The following RGS14 variants were observed in gnomAD, a reference collection of about 807,000 sequenced individuals.
The protein encoded by RGS14 is regulator of G-protein signaling 14.
RGS14 carries 33 observed loss-of-function variants against 63.8 expected under a neutral mutation model. That is an observed-to-expected ratio of 0.52 (90% CI 0.39 to 0.69). The LOEUF is 0.69. Ranked by LOEUF, RGS14 falls within the 30% of genes least tolerant of loss-of-function variation. RGS14 has a pLI of 0.00. For synonymous variants in RGS14, 296 were observed against 320.9 expected, an observed-to-expected ratio of 0.92 and a Z score of 0.83; for missense variants, 739 against 742.9, an observed-to-expected ratio of 0.99 and a Z score of 0.06.
Position 177,370,658 on chromosome 5 carries a change from CCTT to C in RGS14, c.1123_1125del (p.Phe375del). ...GAAGTGCGGCTGGAAAACAGGATCA[CCTT>C]CGAGTGAGTGTCCTGCCCCCAAGTC... On this transcript the variant is annotated inframe_deletion, in exon 10 of 15. Transcript: ENST00000408923. 6.2e-7 allele frequency: 1 copy of C among 1,614,010 alleles called. No homozygotes were observed. The highest frequency in any genetic ancestry group is 8.5e-7 in the Non-Finnish European group (1 of 1,179,938).
chr5:177,360,632 A>T, intron 1 of RGS14, among the ~76,000 whole-genome samples: 1 of 145,506 alleles, frequency 6.9e-6, no homozygotes, highest in Non-Finnish European at 1.5e-5. Flanking sequence ...GGGAGAGAGG[A>T]GGCAGGCACA....
rs1476463388 is a variant in RGS14 at position 177,370,893 on chromosome 5, G to A, written c.1128-12G>A. ...GCCCTCCGGCCCTCTGCTGCCCGAGGGTTCCTCGCAGGCTGGAGCTGACGG... is the reference window on the plus strand; with the variant it reads ...GCCCTCCGGCCCTCTGCTGCCCGAGAGTTCCTCGCAGGCTGGAGCTGACGG... On this transcript the variant is annotated splice_polypyrimidine_tract_variant and intron_variant, in intron 10 of 14. Coordinates refer to ENST00000408923, the MANE Select transcript of RGS14 (RefSeq NM_006480.5). 1.2e-6 allele frequency: 2 copies of A among 1,600,436 alleles called. No individual in the cohort carries two copies. Among genetic ancestry groups the A allele is most frequent in the African/African-American group, 1.3e-5 (1 of 74,964 alleles).
In RGS14 at chr5:177,371,888, T is replaced by G. The variant is rs1294523791; in HGVS notation, c.1514T>G (p.Leu505Arg). The G allele has an allele frequency of 6.2e-7, 1 of 1,613,038 alleles. No individual in the cohort carries two copies. Among genetic ancestry groups the G allele is most frequent in the East Asian group, 2.2e-5 (1 of 44,880 alleles). The change falls in exon 15 of 15, where the codon CTG (leucine) becomes CGG (arginine). Residue 505 changes from leucine (L) to arginine (R), a missense_variant. Transcript: ENST00000408923. This position sits in a 1 kb window ranked among gnomAD's most constrained non-coding sequence, Gnocchi z 6.1. ...TTGCCTCCAGGCCTGGTGGAGCTGC[T>G]GAACCGGGTGCAGAGCAGCGGGGCC... is the stretch of plus-strand genomic sequence containing the variant. ...TCDIEGLVEL[L>R]NRVQSSGAHD...
chr5:177,359,928 C>A lies in RGS14; in HGVS notation c.45+1859C>A, dbSNP rs946836716. 2.0e-5 allele frequency among the ~76,000 whole-genome samples: 3 copies of A among 152,156 alleles called. No homozygotes were observed. Among genetic ancestry groups the A allele is most frequent in the African/African-American group, 7.2e-5 (3 of 41,424 alleles). On this transcript the variant is annotated intron_variant, in intron 1 of 14. Coordinates refer to ENST00000408923, the MANE Select transcript of RGS14 (RefSeq NM_006480.5). This position sits in a 1 kb window ranked among gnomAD's most constrained non-coding sequence, Gnocchi z 4.4. ...TGCCGAGGTCAGCCAGAGAGTAGAG[C>A]GTCAGCATCTGAACCCCCAGAACTG...
In RGS14 at chr5:177,372,117, G is replaced by A. The variant is rs1367615634; in HGVS notation, c.*42G>A. 3 of 1,572,390 alleles carry A rather than the reference G, an allele frequency of 1.9e-6. No homozygotes were observed. The highest frequency in any genetic ancestry group is 2.6e-6 in the Non-Finnish European group (3 of 1,147,782). ...CAGGACAGCTGCATGGCACCCGGCG[G>A]GCCGAGCATGCCATGGGTCCGCTCT... On this transcript the variant is annotated 3_prime_UTR_variant, in exon 15 of 15. Coordinates refer to ENST00000408923, the MANE Select transcript of RGS14 (RefSeq NM_006480.5).
rs1762092189 is a variant in RGS14, at chr5:177,366,332, C to T, written c.223C>T (p.Pro75Ser). The change falls in exon 3 of 15, where the codon CCG becomes TCG. Residue 75 changes from proline (P) to serine (S), a missense_variant. Transcript: ENST00000408923. ...ALSFERLLQD[P>S]LGLAYFTEFL... is the part of the protein sequence containing the mutation. Reference sequence around the variant, plus strand: ...GTCCTTCGAGCGGCTGTTGCAGGACCCGCTGGGCCTGGCTTACTTCACTGT... The same window carrying T: ...GTCCTTCGAGCGGCTGTTGCAGGACTCGCTGGGCCTGGCTTACTTCACTGT... The T allele has an allele frequency of 6.5e-7, 1 of 1,550,040 alleles. No individual in the cohort carries two copies. Among genetic ancestry groups the T allele is most frequent in the East Asian group, 2.4e-5 (1 of 41,112 alleles).
rs1761899822 is a variant in RGS14, at chr5:177,359,245, G to T, written c.45+1176G>T. Among the ~76,000 whole-genome samples the T allele has an allele frequency of 1.3e-5, 2 of 151,904 alleles. No homozygotes were observed. The highest frequency in any genetic ancestry group is 4.8e-5 in the African/African-American group (2 of 41,346). ...CTCTTTCCTGCCCAGCCCCGGGCTGGCCGGCTGGGAGAGAGGCCACCCTTC... is the reference window on the plus strand; with the variant it reads ...CTCTTTCCTGCCCAGCCCCGGGCTGTCCGGCTGGGAGAGAGGCCACCCTTC... On this transcript the variant is annotated intron_variant, in intron 1 of 14. Transcript: ENST00000408923. This position sits in a 1 kb window ranked among gnomAD's most constrained non-coding sequence, Gnocchi z 4.4.
rs1409883935 is a variant in RGS14 at position 177,359,357 on chromosome 5, C to G, written c.45+1288C>G. Among the ~76,000 whole-genome samples, 2 of 152,212 alleles carry G rather than the reference C, an allele frequency of 1.3e-5. No homozygotes were observed. Among genetic ancestry groups the G allele is most frequent in the Admixed American group, 1.3e-4 (2 of 15,282 alleles). ...AAGAAAACCCACCTCCCTTGCATTC[C>G]CATGTCACAGGCATGACACTTCGCT... On this transcript the variant is annotated intron_variant, in intron 1 of 14. Transcript: ENST00000408923. This position sits in a 1 kb window ranked among gnomAD's most constrained non-coding sequence, Gnocchi z 4.4.
intron 1 of RGS14, among the ~76,000 whole-genome samples, chr5:177,365,468 G>T (rs1762066979): frequency 6.6e-6 from 1 of 152,034 alleles, no homozygotes; most frequent in Non-Finnish European, 1.5e-5. Flanking sequence ...CTCCCAAAGT[G>T]CTGGGATTAC....
At chr5:177,367,303 A>T in intron 5 of RGS14, 111 bp from the exon 6 acceptor site, 1 of 1,401,800 alleles carries the variant, frequency 7.1e-7, no homozygotes. Flanking sequence ...GGGCTTGGGA[A>T]ATCCAGCCCT....
In RGS14 at chr5:177,358,105, G is replaced by A. The variant is rs1761866239; in HGVS notation, c.45+36G>A. 7.5e-7 allele frequency: 1 copy of A among 1,324,838 alleles called. No homozygotes were observed. Among genetic ancestry groups the A allele is most frequent in the Non-Finnish European group, 9.7e-7 (1 of 1,027,822 alleles). The allele number at this position is 1,324,838 out of a possible 1,614,324, so 82.1% of individuals were successfully genotyped here. On this transcript the variant is annotated intron_variant, in intron 1 of 14. Transcript: ENST00000408923. The surrounding 1 kb of genome is among the most constrained non-coding windows in gnomAD (Gnocchi z 4.8). ...GCTCCGGGCCAGGGCCACGAGGAGGGGGTGGGCACACCCAGGGTGGAGCCC... is the reference window on the plus strand; with the variant it reads ...GCTCCGGGCCAGGGCCACGAGGAGGAGGTGGGCACACCCAGGGTGGAGCCC...
chr5:177,370,539 T>C, intron 9 of RGS14, 52 bp from the exon 10 acceptor site: 1 of 1,537,742 alleles, frequency 6.5e-7, no homozygotes, highest in Non-Finnish European at 9.0e-7. Flanking sequence ...CCCACAGGGA[T>C]GGCTGGGGGT....
At chr5:177,367,608 G>T in intron 6 of RGS14, 51 bp downstream of exon 6, 6 of 1,581,718 alleles carry the variant, frequency 3.8e-6, no homozygotes, top group Non-Finnish European at 5.2e-6. Context: ...CCTGCGGACC[G>T]CGTGCAAGAG....
In RGS14 at chr5:177,370,997, A is replaced by G. The variant is rs1234527337; in HGVS notation, c.1220A>G (p.His407Arg). The G allele has an allele frequency of 6.3e-7, 1 of 1,599,714 alleles. No individual in the cohort carries two copies. The highest frequency in any genetic ancestry group is 1.1e-5 in the South Asian group (1 of 90,766). The change falls in exon 11 of 15, where the codon CAC (histidine) becomes CGC (arginine). Residue 407 changes from histidine (H) to arginine (R), a missense_variant. Physicochemically the swap from His to Arg is conservative, Grantham distance 29 (BLOSUM62 0). Transcript: ENST00000408923. ...GCGCTGCAGCCCATTCTGGAGAAGC[A>G]CGGCTTGAGCCCGCTAGAGGTGGTG... The part of the protein sequence containing the change: ...QEALQPILEK[H>R]GLSPLEVVLH...
chr5:177,370,506 G>A (rs2127336016), intron 9 of RGS14, 85 bp from the exon 10 acceptor site: 1 of 1,210,294 alleles, frequency 8.3e-7, no homozygotes, highest in East Asian at 2.3e-5. Flanking sequence ...GTGGCCATGG[G>A]AGGGCGTGAA....
Position 177,370,684 on chromosome 5 carries a change from G to A in RGS14, c.1127+20G>A. On this transcript the variant is annotated intron_variant, in intron 10 of 14. Transcript: ENST00000408923. ...CTTCGAGTGAGTGTCCTGCCCCCAA[G>A]TCTGGGTCCCAGGTCCTGACGCTCC... 6.2e-7 allele frequency: 1 copy of A among 1,613,008 alleles called. No individual in the cohort carries two copies. The highest frequency in any genetic ancestry group is 8.5e-7 in the Non-Finnish European group (1 of 1,179,252).
Position 177,368,931 on chromosome 5 carries a change from G to C in RGS14, c.1053+11G>C. On this transcript the variant is annotated intron_variant, in intron 9 of 14. Coordinates refer to ENST00000408923, the MANE Select transcript of RGS14 (RefSeq NM_006480.5). ...GTGGGCAATGAACAGGTGGGAACGT[G>C]ACCTGGCTCCAACTCTAACCTCCTT... is the stretch of plus-strand genomic sequence containing the variant. 4 of 1,613,456 alleles carry C rather than the reference G, an allele frequency of 2.5e-6. No homozygotes were observed. Among genetic ancestry groups the C allele is most frequent in the Non-Finnish European group, 2.5e-6 (3 of 1,179,424 alleles).
In RGS14 at chr5:177,366,648, C is replaced by A; in HGVS notation, c.247-60C>A. ...CTGTCCCAATCTTTTTGATCACATC[C>A]CCCAGTTTGGTCTCTGTGTCTCTGA... On this transcript the variant is annotated intron_variant, in intron 3 of 14. Transcript: ENST00000408923. 4 of 1,497,098 alleles carry A rather than the reference C, an allele frequency of 2.7e-6. No homozygotes were observed. The East Asian group carries it at 9.0e-5, about 34-fold the overall frequency. 92.7% of individuals were successfully genotyped at this position (1,497,098 alleles called of 1,614,324 possible).
chr5:177,371,521 C>T lies in RGS14; in HGVS notation c.1430C>T (p.Ala477Val), dbSNP rs1177082494. 4.3e-6 allele frequency: 7 copies of T among 1,614,104 alleles called. No individual in the cohort carries two copies. The Admixed American group carries it at 8.3e-5, about 19-fold the overall frequency. ...TQDKATHPPP[A>V]SPSSLVKVPS... The stretch of plus-strand genomic sequence containing the variant: ...GATAAGGCCACCCATCCCCCTCCAG[C>T]GTCCCCCAGTTCTCTGGTGAAGGTG... The change falls in exon 14 of 15, where the codon GCG (alanine) becomes GTG (valine). Residue 477 changes from alanine to valine, a missense_variant. By Grantham distance (64) the Ala-to-Val change is moderately conservative. Coordinates refer to ENST00000408923, the MANE Select transcript of RGS14 (RefSeq NM_006480.5). The surrounding 1 kb of genome is among the most constrained non-coding windows in gnomAD (Gnocchi z 6.1).
Sources: allele counts gnomAD v4.1 joint callset (sites outside exome capture counted in the v4.1 genomes callset), GRCh38; gene constraint gnomAD v4.1.1; non-coding constraint Gnocchi (gnomAD v3.1); transcripts MANE v1.5; gene names NCBI Gene and HGNC (gene_info 2026-07-23, HGNC 2026-07-21).